The following CEP162 variants were observed in gnomAD, a reference collection of about 807,000 sequenced individuals.
CEP162 encodes centrosomal protein 162, also known as centrosomal protein of 162 kDa.
A neutral mutation model predicts 169.2 loss-of-function variants in CEP162; 141 were observed. That is an observed-to-expected ratio of 0.83 (90% CI 0.73 to 0.96). CEP162 has a LOEUF of 0.96. Ranked by LOEUF, CEP162 falls within the 40% of genes least tolerant of loss-of-function variation. CEP162 has a pLI of 0.00. For missense variants in CEP162, 1,600 were observed against 1,587.2 expected (o/e 1.01, Z -0.14); for synonymous variants, 540 against 526.4 (o/e 1.03, Z -0.35).
chr6:84,179,668 G>C (rs573811554), intron 13 of CEP162, among the ~76,000 whole-genome samples: 2 of 151,708 alleles, frequency 1.3e-5, no homozygotes, highest in Non-Finnish European at 2.9e-5. Flanking sequence ...TCTTTAATTA[G>C]ATATCCCACA....
intron 25 of CEP162, among the ~76,000 whole-genome samples, chr6:84,130,628 T>C (rs1715041356): frequency 6.6e-6 from 1 of 152,220 alleles, no homozygotes; most frequent in Non-Finnish European, 1.5e-5. Context: ...CTTCTAGATT[T>C]TCTAGTTTAT....
chr6:84,174,015 G>A lies in CEP162; in HGVS notation c.2166+33C>T, dbSNP rs919625766. 3 of 1,582,456 alleles carry A rather than the reference G, an allele frequency of 1.9e-6. No homozygotes were observed. In the African/African-American group the frequency reaches 4.1e-5, roughly 21 times the overall value. ...TATTTTTATAACTAAAAGATCAAGA[G>A]TAAATTTGCCATATGTTGAAGAATT... On this transcript the variant is annotated intron_variant, in intron 16 of 26. Coordinates refer to ENST00000403245, the MANE Select transcript of CEP162 (RefSeq NM_014895.4).
chr6:84,146,991 G>A (rs545886667), intron 24 of CEP162, among the ~76,000 whole-genome samples: 83 of 152,104 alleles, frequency 5.5e-4, no homozygotes, highest in Non-Finnish European at 8.7e-4. Flanking sequence ...CCCACTACTG[G>A]GTATCTATCC....
intron 22 of CEP162, among the ~76,000 whole-genome samples, chr6:84,154,077 T>C (rs1213722020): frequency 6.6e-6 from 1 of 151,986 alleles, no homozygotes; most frequent in African/African-American, 2.4e-5. Flanking sequence ...GGCTGAATGT[T>C]TGGTATATAC....
chr6:84,208,979 T>C (rs568114233), intron 6 of CEP162, among the ~76,000 whole-genome samples: 2 of 152,244 alleles, frequency 1.3e-5, no homozygotes, highest in East Asian at 3.9e-4. Context: ...AAAGAGGAGA[T>C]ATGGGAGAAT....
chr6:84,219,261 C>G, intron 3 of CEP162: 1 of 780,190 alleles, frequency 1.3e-6, no homozygotes, highest in Non-Finnish European at 1.9e-6. Context: ...TTGCTTGAAT[C>G]AGGGACCAGG....
chr6:84,191,959 A>G (rs1382692298), intron 11 of CEP162, among the ~76,000 whole-genome samples: 2 of 152,200 alleles, frequency 1.3e-5, no homozygotes, highest in Non-Finnish European at 2.9e-5. Context: ...AGGCAGTTAA[A>G]AGAAAGGACG....
Position 84,193,684 on chromosome 6 carries a change from G to T in CEP162, c.1034C>A (p.Pro345His). 6.4e-7 allele frequency: 1 copy of T among 1,559,122 alleles called. No individual in the cohort carries two copies. Among genetic ancestry groups the T allele is most frequent in the South Asian group, 1.2e-5 (1 of 83,710 alleles). ...AGGTTTCATCAGCTCCTCTACTGTG[G>T]GCAGATCTAAGAGGTGGAAAAAAAA... ...KNISTMESDLPTVEELMKPIR... is the reference protein window; with the variant it reads ...KNISTMESDLHTVEELMKPIR... Residue 345 changes from proline to histidine, a missense_variant, in exon 11 of 27, where the codon CCC (proline) becomes CAC (histidine). Physicochemically the swap from Pro to His is moderately conservative, Grantham distance 77. Transcript: ENST00000403245.
intron 24 of CEP162, 106 bp downstream of exon 24, chr6:84,149,455 AG>A (rs2099520311): frequency 1.2e-6 from 1 of 814,712 alleles, no homozygotes; most frequent in Non-Finnish European, 1.7e-6. Context: ...TCTATCACCA[AG>A]CTGAAAAAGT....
chr6:84,153,143 G>A lies in CEP162; in HGVS notation c.3031C>T (p.Leu1011=). Residue 1011 remains leucine, a synonymous_variant, in exon 23 of 27, where the codon CTA becomes TTA. Transcript: ENST00000403245. ...YEQRLEQQEQ[L]LACKLNQHDS... ...TGTTGATTCAATTTGCAGGCAAGTA[G>A]CTGCTCCTGCTGCTCTAGTCTTTGT... The A allele has an allele frequency of 6.2e-7, 1 of 1,607,904 alleles. No individual in the cohort carries two copies. The highest frequency in any genetic ancestry group is 8.5e-7 in the Non-Finnish European group (1 of 1,178,104).
intron 3 of CEP162, among the ~76,000 whole-genome samples, chr6:84,220,169 A>G (rs2099553121): frequency 6.6e-6 from 1 of 151,924 alleles, no homozygotes. Flanking sequence ...TTTCATGGGG[A>G]GGGGGGGAAA....
intron 18 of CEP162, among the ~76,000 whole-genome samples, chr6:84,167,934 T>C (rs1449986632): frequency 6.6e-6 from 1 of 152,180 alleles, no homozygotes; most frequent in Non-Finnish European, 1.5e-5. Context: ...CTCAGGCCTC[T>C]TGGTTACTAA....
At chr6:84,195,570 T>C (rs1474072900) in intron 9 of CEP162, among the ~76,000 whole-genome samples, 1 of 152,268 alleles carries the variant, frequency 6.6e-6, no homozygotes, top group Non-Finnish European at 1.5e-5. Flanking sequence ...ACTCCATTTG[T>C]ATTTAGTTCT....
chr6:84,204,778 A>G (rs1048108153), intron 6 of CEP162, among the ~76,000 whole-genome samples: 1 of 152,206 alleles, frequency 6.6e-6, no homozygotes, highest in South Asian at 2.1e-4. Flanking sequence ...CAAAAAATCA[A>G]TGAATCCAGG....
In CEP162 at chr6:84,149,546, C is replaced by G. The variant is rs1188544836; in HGVS notation, c.3771+16G>C. ...AGTTTATTCAAGTCAAAAGATAAAA[C>G]AGATTTGTCATCTACCTCTTGAGTT... On this transcript the variant is annotated intron_variant, in intron 24 of 26. Coordinates refer to ENST00000403245, the MANE Select transcript of CEP162 (RefSeq NM_014895.4). 2 of 1,555,920 alleles carry G rather than the reference C, an allele frequency of 1.3e-6. No individual in the cohort carries two copies. The highest frequency in any genetic ancestry group is 4.0e-5 in the Admixed American group (2 of 50,448).
At chr6:84,143,654 G>A (rs986072566) in intron 25 of CEP162, among the ~76,000 whole-genome samples, 10 of 151,900 alleles carry the variant, frequency 6.6e-5, no homozygotes, top group African/African-American at 2.2e-4. Flanking sequence ...GAGAATGCAC[G>A]AATATCTTGT....
chr6:84,176,810 C>A (rs976341971), intron 13 of CEP162, among the ~76,000 whole-genome samples: 1 of 151,942 alleles, frequency 6.6e-6, no homozygotes, highest in South Asian at 2.1e-4. Context: ...TCTGCCAGTC[C>A]TTTTATGCCA....
At position 84,188,312 on chromosome 6, in the gene CEP162, G is replaced by A. The variant is rs532781174; in HGVS notation, c.1110-1689C>T. 5.9e-5 allele frequency among the ~76,000 whole-genome samples: 9 copies of A among 151,754 alleles called. 1 individual carries two copies. Among genetic ancestry groups the A allele is most frequent in the African/African-American group, 2.2e-4 (9 of 41,398 alleles). ...ATACGGGTATTGTTCACGGGGATTT[G>A]GTGTTCAGACTATTTCACACCCAGG... On this transcript the variant is annotated intron_variant, in intron 11 of 26. Coordinates refer to ENST00000403245, the MANE Select transcript of CEP162 (RefSeq NM_014895.4).
intron 24 of CEP162, among the ~76,000 whole-genome samples, chr6:84,149,274 A>G (rs2099520233): frequency 6.6e-6 from 1 of 152,116 alleles, no homozygotes; most frequent in Non-Finnish European, 1.5e-5. Flanking sequence ...ACCTGTGACA[A>G]ATTTAGAGAC....
Sources: gnomAD v4.1 joint callset for allele counts (sites outside exome capture counted in the v4.1 genomes callset) on GRCh38, gnomAD v4.1.1 for gene constraint, MANE v1.5 for transcripts, NCBI Gene and HGNC (gene_info 2026-07-23, HGNC 2026-07-21) for gene names.